Variants in PUDP observed in about 807,000 individuals in gnomAD.
PUDP encodes pseudouridine-5'-phosphatase.
In PUDP, 8 loss-of-function variants were observed where a neutral mutation model predicts 9.4. The observed-to-expected ratio is 0.85, with a 90% CI of 0.50 to 1.53. The LOEUF is 1.53. PUDP is among the 40% of genes most tolerant of loss of function. The pLI is 0.00. For missense variants in PUDP, 188 were observed against 189.7 expected (o/e 0.99, Z 0.05); for synonymous variants, 99 against 80.7 (o/e 1.23, Z -1.22).
At chrX:6,929,857 T>C (rs1270102822) in intron 3 of PUDP, among the ~76,000 whole-genome samples, 1 of 111,803 alleles carries the variant, frequency 8.9e-6, no homozygotes, top group African/African-American at 3.2e-5. Flanking sequence ...CTATGACTCT[T>C]AGGGCTTTTC....
intron 1 of PUDP, among the ~76,000 whole-genome samples, chrX:7,109,445 A>G (rs1283719386): frequency 1.8e-5 from 2 of 112,233 alleles, no homozygotes; most frequent in East Asian, 5.6e-4. Flanking sequence ...TGGAACTCTG[A>G]CTAAGGCGAG....
chrX:7,073,268 C>T lies in PUDP; in HGVS notation c.510+3952G>A, dbSNP rs1222129844. 3.6e-5 allele frequency among the ~76,000 whole-genome samples: 4 copies of T among 112,044 alleles called. No individual in the cohort carries two copies. The East Asian group carries it at 1.1e-3, about 31-fold the overall frequency. ...ACTTAGAAAATATTCTCAGTGAAAA[C>T]TTGATTCTTTAATGTCAGCTCTGTT... On this transcript the variant is annotated intron_variant, in intron 3 of 3. Coordinates refer to ENST00000381077, the MANE Select transcript of PUDP (RefSeq NM_012080.5).
At chrX:7,002,859 C>G (rs1929345599) in intron 1 of PUDP, among the ~76,000 whole-genome samples, 2 of 110,105 alleles carry the variant, frequency 1.8e-5, no homozygotes, top group Admixed American at 1.9e-4. Context: ...AATACAGACA[C>G]TCTCCCTCAT....
intron 1 of PUDP, among the ~76,000 whole-genome samples, chrX:6,992,305 C>T (rs1029461819): frequency 1.9e-3 from 140 of 72,753 alleles, no homozygotes; most frequent in Middle Eastern, 7.7e-3. Flanking sequence ...CGGAGTCTCG[C>T]TCTGTCGCCC....
chrX:6,717,805 A>G (rs1469892682), intron 1 of PUDP, among the ~76,000 whole-genome samples: 1 of 112,103 alleles, frequency 8.9e-6, no homozygotes, highest in Non-Finnish European at 1.9e-5. Flanking sequence ...TAATTAATTT[A>G]CATTTTCACC....
chrX:6,768,809 T>C (rs1161410454), intron 3 of PUDP, among the ~76,000 whole-genome samples: 1 of 111,388 alleles, frequency 9.0e-6, no homozygotes, highest in African/African-American at 3.3e-5. Flanking sequence ...AAGTAAACAG[T>C]TTTCAGCAAG....
At chrX:7,095,371 C>A (rs748168701) in intron 2 of PUDP, among the ~76,000 whole-genome samples, 5 of 112,397 alleles carry the variant, frequency 4.4e-5, no homozygotes, top group African/African-American at 6.5e-5. Context: ...GCACTGAGAG[C>A]ATGACATGCA....
intron 1 of PUDP, among the ~76,000 whole-genome samples, chrX:7,109,885 A>G (rs1225665863): frequency 2.7e-5 from 3 of 112,730 alleles, no homozygotes; most frequent in African/African-American, 9.7e-5. Context: ...TTTTACCAGG[A>G]AAGGTCATAT....
chrX:7,133,245 T>C (rs1263801833), intron 1 of PUDP, among the ~76,000 whole-genome samples: 1 of 111,324 alleles, frequency 9.0e-6, no homozygotes. Flanking sequence ...CTGGGAAACG[T>C]AGACAGGAAC....
intron 3 of PUDP, among the ~76,000 whole-genome samples, chrX:6,887,900 T>C (rs755014709): frequency 9.0e-6 from 1 of 110,928 alleles, no homozygotes; most frequent in East Asian, 2.8e-4. Context: ...TGGAATTTTA[T>C]AGGAACAGCT....
chrX:6,988,680 G>T (rs1041415197), intron 1 of PUDP, among the ~76,000 whole-genome samples: 1 of 111,119 alleles, frequency 9.0e-6, no homozygotes, highest in Admixed American at 9.6e-5. Context: ...TGGAGGTTTG[G>T]GGAGTTTCTT....
rs1325314659 is a variant in PUDP, at chrX:7,148,104, G to A, written c.10C>T (p.Pro4Ser). The A allele has an allele frequency of 4.4e-6, 5 of 1,129,838 alleles. No individual in the cohort carries two copies. Among genetic ancestry groups the A allele is most frequent in the Admixed American group, 2.8e-5 (1 of 35,598 alleles). 93.1% of individuals were successfully genotyped at this position (1,129,838 alleles called of 1,213,427 possible). Residue 4 changes from proline to serine, a missense_variant, in exon 1 of 4, where the codon CCC becomes TCC. Transcript: ENST00000381077. ...ATGAGGTGGGTGACGGGCTGCGGGGGCGCCGCCATGGTGGCGCCTTCTGGG... is the reference window on the plus strand; with the variant it reads ...ATGAGGTGGGTGACGGGCTGCGGGGACGCCGCCATGGTGGCGCCTTCTGGG... MAA[P>S]PQPVTHLIFD...
At chrX:6,933,099 G>A (rs369282469) in intron 3 of PUDP, among the ~76,000 whole-genome samples, 5 of 110,061 alleles carry the variant, frequency 4.5e-5, no homozygotes, top group African/African-American at 9.9e-5. Flanking sequence ...TCCCTGTCTG[G>A]CAGCTTTGAA....
chrX:6,771,011 A>T (rs113405085), intron 3 of PUDP, among the ~76,000 whole-genome samples: 2,630 of 111,691 alleles, frequency 0.024, 64 homozygotes, highest in African/African-American at 0.07. Context: ...AATAAGTTGT[A>T]GCTTCACTCT....
At chrX:7,083,017 G>C (rs1931149563) in intron 2 of PUDP, among the ~76,000 whole-genome samples, 1 of 112,470 alleles carries the variant, frequency 8.9e-6, no homozygotes, top group African/African-American at 3.2e-5. Context: ...AGACTGAAGT[G>C]ATGTGGCCAC....
At chrX:7,068,975 G>C (rs1184094459) in intron 3 of PUDP, among the ~76,000 whole-genome samples, 4 of 111,981 alleles carry the variant, frequency 3.6e-5, no homozygotes, top group Non-Finnish European at 7.5e-5. Context: ...ATTTGAGTCA[G>C]GCACAGTGAC....
intron 1 of PUDP, among the ~76,000 whole-genome samples, chrX:6,712,811 G>A (rs5989551): frequency 9.0e-6 from 1 of 111,581 alleles, no homozygotes; most frequent in Non-Finnish European, 1.9e-5. Flanking sequence ...ACTTTAGGAG[G>A]CTGAGGCGGG....
At chrX:6,998,287 C>T (rs1277612698) in intron 1 of PUDP, among the ~76,000 whole-genome samples, 1 of 111,032 alleles carries the variant, frequency 9.0e-6, no homozygotes, top group Non-Finnish European at 1.9e-5. Flanking sequence ...CAATTGAGAC[C>T]AAAAGAAACC....
In PUDP at chrX:6,891,416, C is replaced by T. The variant is rs141183406; in HGVS notation, c.*247+85717G>A. 8.0e-5 allele frequency among the ~76,000 whole-genome samples: 9 copies of T among 112,168 alleles called. No homozygotes were observed. The East Asian group carries it at 1.7e-3, about 21-fold the overall frequency. On this transcript the variant is annotated intron_variant and NMD_transcript_variant, in intron 3 of 3. Coordinates refer to the PUDP transcript ENST00000655425. The stretch of plus-strand genomic sequence containing the variant: ...CCTGCAAGCTAACATGTGGTTTCTA[C>T]AATTCTCGATTCACAGGCTCTCTGC...
Sources: allele counts gnomAD v4.1 joint callset (sites outside exome capture counted in the v4.1 genomes callset), GRCh38; gene constraint gnomAD v4.1.1; transcripts MANE v1.5; gene names NCBI Gene and HGNC (gene_info 2026-07-23, HGNC 2026-07-21).